Variants in SCHIP1 observed in about 807,000 individuals in gnomAD.
The protein encoded by SCHIP1 is schwannomin-interacting protein 1.
A neutral mutation model predicts 29.7 loss-of-function variants in SCHIP1; 8 were observed. That is an observed-to-expected ratio of 0.27 (90% confidence interval 0.16 to 0.49). The LOEUF is 0.49. SCHIP1 is among the 20% of genes least tolerant of loss of function. SCHIP1 has a pLI of 0.99. For missense variants in SCHIP1, 193 were observed against 294.6 expected, an observed-to-expected ratio of 0.66 and a Z score of 2.52; for synonymous variants, 76 against 94.9, an observed-to-expected ratio of 0.80 and a Z score of 1.16.
the SCHIP1 span, among the ~76,000 whole-genome samples, chr3:159,746,614 T>C: frequency 6.6e-6 from 1 of 152,222 alleles, no homozygotes; most frequent in African/African-American, 2.4e-5. Flanking sequence ...TGTCTTAAAA[T>C]CCTTCAGATG....
At chr3:159,689,772 A>G in the SCHIP1 span, among the ~76,000 whole-genome samples, 1 of 152,196 alleles carries the variant, frequency 6.6e-6, no homozygotes, top group Admixed American at 6.5e-5. Context: ...GCTATGTTCC[A>G]TCAATGCCTA....
At chr3:159,470,893 G>A in the SCHIP1 span, among the ~76,000 whole-genome samples, 2 of 151,998 alleles carry the variant, frequency 1.3e-5, no homozygotes, top group Non-Finnish European at 2.9e-5. Flanking sequence ...AGACTCAAAA[G>A]ACTATCTCAT....
the SCHIP1 span, among the ~76,000 whole-genome samples, chr3:159,352,255 T>C: frequency 6.6e-6 from 1 of 152,196 alleles, no homozygotes; most frequent in Non-Finnish European, 1.5e-5. Flanking sequence ...ATCATGCTCA[T>C]AGGTTTCATT....
the SCHIP1 span, among the ~76,000 whole-genome samples, chr3:159,375,528 A>AGAT: frequency 2.8e-4 from 42 of 152,322 alleles, no homozygotes; most frequent in Middle Eastern, 6.8e-3. Context: ...CGAGGTCAGG[A>AGAT]GATGGAGACC....
At chr3:159,873,628 A>G (rs1289632944) in intron 2 of SCHIP1, among the ~76,000 whole-genome samples, 1 of 152,232 alleles carries the variant, frequency 6.6e-6, no homozygotes, top group Non-Finnish European at 1.5e-5. Flanking sequence ...AACTCAACTA[A>G]TTAAATTTGA....
the SCHIP1 span, among the ~76,000 whole-genome samples, chr3:159,755,478 G>T: frequency 6.6e-6 from 1 of 152,150 alleles, no homozygotes; most frequent in Non-Finnish European, 1.5e-5. Context: ...ACCTCCCACT[G>T]GGTACCTCCC....
the SCHIP1 span, among the ~76,000 whole-genome samples, chr3:159,562,814 C>G: frequency 6.6e-6 from 1 of 152,074 alleles, no homozygotes; most frequent in Admixed American, 6.5e-5. Context: ...ACAATTGGTG[C>G]AATTTTTACT....
At chr3:159,855,229 C>T (rs1320469411) in intron 1 of SCHIP1, among the ~76,000 whole-genome samples, 1 of 152,090 alleles carries the variant, frequency 6.6e-6, no homozygotes, top group Non-Finnish European at 1.5e-5. Flanking sequence ...TTATGTGTAT[C>T]GTGATTATTA....
At chr3:159,302,883 A>T in the SCHIP1 span, among the ~76,000 whole-genome samples, 1 of 152,162 alleles carries the variant, frequency 6.6e-6, no homozygotes, top group Non-Finnish European at 1.5e-5. Flanking sequence ...GAGAAAACCA[A>T]ATAAGACTAA....
At chr3:159,895,236 GT>G (rs1717947822) in intron 6 of SCHIP1, among the ~76,000 whole-genome samples, 1 of 152,140 alleles carries the variant, frequency 6.6e-6, no homozygotes, top group Admixed American at 6.5e-5. Flanking sequence ...TACCTTTATT[GT>G]TAGTTGAATA....
At chr3:159,648,909 T>C in the SCHIP1 span, among the ~76,000 whole-genome samples, 19 of 152,150 alleles carry the variant, frequency 1.2e-4, 1 homozygote, top group Non-Finnish European at 1.5e-4. Flanking sequence ...GAATGTTCTA[T>C]CTTGTTTAAG....
the SCHIP1 span, among the ~76,000 whole-genome samples, chr3:159,687,165 A>C: frequency 1.3e-5 from 2 of 152,066 alleles, no homozygotes; most frequent in African/African-American, 4.8e-5. Flanking sequence ...ATAAATCCCC[A>C]TCTAGGAAGC....
the SCHIP1 span, among the ~76,000 whole-genome samples, chr3:159,670,705 TAA>T: frequency 1.3e-5 from 2 of 152,294 alleles, no homozygotes; most frequent in South Asian, 4.1e-4. Context: ...AGAATTTTTT[TAA>T]AAAGATACTT....
intron 6 of SCHIP1, chr3:159,893,686 T>C (rs1354875105): frequency 6.6e-6 from 1 of 152,164 alleles, no homozygotes; most frequent in African/African-American, 2.4e-5. Flanking sequence ...TTTTTATAAC[T>C]TTCAGATGGT....
the SCHIP1 span, among the ~76,000 whole-genome samples, chr3:159,425,803 C>T: frequency 3.3e-5 from 5 of 152,136 alleles, no homozygotes; most frequent in African/African-American, 7.2e-5. Context: ...TAAAGCTCTC[C>T]TCAGCAAATG....
the SCHIP1 span, among the ~76,000 whole-genome samples, chr3:159,743,759 C>T: frequency 6.6e-6 from 1 of 151,950 alleles, no homozygotes; most frequent in East Asian, 1.9e-4. Flanking sequence ...TTGACTGTGT[C>T]GATGTCAGTA....
At chr3:159,652,256 T>C in the SCHIP1 span, among the ~76,000 whole-genome samples, 4 of 152,190 alleles carry the variant, frequency 2.6e-5, no homozygotes, top group Non-Finnish European at 4.4e-5. Flanking sequence ...GAGGAAAAAT[T>C]ATATTTTTTA....
the SCHIP1 span, among the ~76,000 whole-genome samples, chr3:159,570,337 G>A: frequency 2.0e-5 from 3 of 152,132 alleles, no homozygotes; most frequent in Non-Finnish European, 2.9e-5. Flanking sequence ...TGTAAGGAAG[G>A]GATCCAGTTT....
chr3:159,837,594 G>A (rs1433884555), upstream of SCHIP1, among the ~76,000 whole-genome samples: 3 of 152,070 alleles, frequency 2.0e-5, no homozygotes, highest in Non-Finnish European at 4.4e-5. Context: ...GTGGTGGTGC[G>A]CCCCTGTAGT....
Sources: gnomAD v4.1 joint callset for allele counts (sites outside exome capture counted in the v4.1 genomes callset) on GRCh38, gnomAD v4.1.1 for gene constraint, MANE v1.5 for transcripts, NCBI Gene and HGNC (gene_info 2026-07-23, HGNC 2026-07-21) for gene names.